IRAK1BP1: variants seen among roughly 807,000 people sequenced by gnomAD.
IRAK1BP1 encodes the protein interleukin-1 receptor-associated kinase 1-binding protein 1.
Under a neutral mutation model 28.0 loss-of-function variants are expected in IRAK1BP1, and 24 were observed. That is an observed-to-expected ratio of 0.86 (90% CI 0.62 to 1.20). The LOEUF is 1.20. IRAK1BP1 is among the 50% of genes most tolerant of loss of function. The pLI is 0.00. For synonymous variants in IRAK1BP1, 131 were observed against 116.3 expected (o/e 1.13, Z -0.81); for missense variants, 336 against 316.7 (o/e 1.06, Z -0.46).
At chr6:78,970,200 C>A in the IRAK1BP1 span, 9 of 1,595,188 alleles carry the variant, frequency 5.6e-6, no homozygotes, top group African/African-American at 5.4e-5. Flanking sequence ...ATATAAGGAA[C>A]CATCTTTACA....
At chr6:78,923,864 A>G (rs1470878171) in intron 4 of IRAK1BP1, among the ~76,000 whole-genome samples, 1 of 152,216 alleles carries the variant, frequency 6.6e-6, no homozygotes, top group East Asian at 1.9e-4. Context: ...TGTTCTTTGA[A>G]ACCAACGAGA....
chr6:78,954,714 A>G, the IRAK1BP1 span: 1 of 735,176 alleles, frequency 1.4e-6, no homozygotes, highest in Admixed American at 3.5e-5. Flanking sequence ...ATAATAAAGA[A>G]ATAAACTATA....
chr6:78,970,580 A>G, the IRAK1BP1 span, among the ~76,000 whole-genome samples: 1 of 152,284 alleles, frequency 6.6e-6, no homozygotes, highest in Non-Finnish European at 1.5e-5. Context: ...CATAAACTGC[A>G]TTGGAGTATA....
At chr6:78,873,597 G>A (rs953681366) in intron 1 of IRAK1BP1, among the ~76,000 whole-genome samples, 1 of 151,812 alleles carries the variant, frequency 6.6e-6, no homozygotes, top group Admixed American at 6.6e-5. Context: ...TCCCACCTCA[G>A]CCTCCCAAAT....
intron 2 of IRAK1BP1, among the ~76,000 whole-genome samples, chr6:78,896,717 C>T (rs1286478852): frequency 4.6e-5 from 7 of 151,090 alleles, no homozygotes; most frequent in Non-Finnish European, 7.4e-5. Flanking sequence ...CCCAGCTACT[C>T]GGGGGGCTGA....
At chr6:78,946,692 T>TG, downstream of IRAK1BP1, 2 of 1,533,638 alleles carry the variant, frequency 1.3e-6, no homozygotes, top group Non-Finnish European at 1.7e-6. Context: ...GCTAGTGGTA[T>TG]TTAAAAGAAA....
At chr6:78,906,715 T>G (rs553077367), downstream of IRAK1BP1, among the ~76,000 whole-genome samples, 17 of 152,078 alleles carry the variant, frequency 1.1e-4, no homozygotes, top group Admixed American at 6.6e-5. Flanking sequence ...TGGATTAGGG[T>G]TTTTTTTCCC....
chr6:78,919,409 C>T (rs1772658152), intron 4 of IRAK1BP1, among the ~76,000 whole-genome samples: 1 of 152,038 alleles, frequency 6.6e-6, no homozygotes, highest in Non-Finnish European at 1.5e-5. Context: ...CCAAAGCTGG[C>T]TCTTTGAAAG....
At chr6:78,888,776 A>G (rs1194936429) in intron 2 of IRAK1BP1, among the ~76,000 whole-genome samples, 2 of 152,036 alleles carry the variant, frequency 1.3e-5, no homozygotes, top group Non-Finnish European at 2.9e-5. Context: ...CCAACGTGCT[A>G]GGACTACAGA....
intron 1 of IRAK1BP1, among the ~76,000 whole-genome samples, chr6:78,879,361 TA>T (rs553680725): frequency 6.6e-6 from 1 of 152,084 alleles, no homozygotes; most frequent in East Asian, 1.9e-4. Flanking sequence ...ATAAAAATTT[TA>T]AAAAAATAAA....
the IRAK1BP1 span, among the ~76,000 whole-genome samples, chr6:78,966,296 G>A: frequency 1.3e-5 from 2 of 152,052 alleles, no homozygotes; most frequent in African/African-American, 2.4e-5. Flanking sequence ...ATTTCATTAA[G>A]GTATACAGAA....
intron 2 of IRAK1BP1, among the ~76,000 whole-genome samples, chr6:78,896,281 A>G (rs1771876972): frequency 6.6e-6 from 1 of 152,046 alleles, no homozygotes; most frequent in South Asian, 2.1e-4. Context: ...CTACTTTGAA[A>G]AAGCAGCATC....
downstream of IRAK1BP1, chr6:78,946,830 G>A (rs763453304): frequency 1.3e-6 from 2 of 1,584,940 alleles, no homozygotes; most frequent in South Asian, 2.3e-5. Context: ...CTGAACTAAT[G>A]TGTTCTTCAA....
chr6:78,877,242 C>A (rs1173579869), intron 1 of IRAK1BP1, among the ~76,000 whole-genome samples: 1 of 152,166 alleles, frequency 6.6e-6, no homozygotes, highest in Non-Finnish European at 1.5e-5. Context: ...CTTGTGGTTG[C>A]AGGTCTGTTA....
chr6:78,883,118 C>T (rs1007978574), intron 1 of IRAK1BP1, among the ~76,000 whole-genome samples: 1 of 151,896 alleles, frequency 6.6e-6, no homozygotes, highest in Non-Finnish European at 1.5e-5. Context: ...AAAATCTGGG[C>T]ATGGTGGTAT....
At chr6:78,932,084 C>A (rs1195641807) in intron 4 of IRAK1BP1, among the ~76,000 whole-genome samples, 5 of 152,198 alleles carry the variant, frequency 3.3e-5, no homozygotes, top group African/African-American at 1.2e-4. Flanking sequence ...CCATAAGAAG[C>A]AACTCCTTAG....
the IRAK1BP1 span, chr6:78,956,449 T>A: frequency 2.0e-5 from 3 of 152,252 alleles, no homozygotes; most frequent in Admixed American, 2.0e-4. Context: ...TCTCTGTCAA[T>A]TAAATTAGAC....
the IRAK1BP1 span, chr6:78,955,227 A>G: frequency 1.3e-6 from 2 of 1,597,162 alleles, no homozygotes; most frequent in South Asian, 2.2e-5. Flanking sequence ...CTAAAACTAT[A>G]TTACCTTCCT....
intron 4 of IRAK1BP1, among the ~76,000 whole-genome samples, chr6:78,944,198 G>C (rs1773676439): frequency 6.6e-6 from 1 of 152,034 alleles, no homozygotes; most frequent in Admixed American, 6.6e-5. Flanking sequence ...ATACAAAAGA[G>C]AGAAAGAAGG....
Sources: allele counts gnomAD v4.1 joint callset (sites outside exome capture counted in the v4.1 genomes callset), GRCh38; gene constraint gnomAD v4.1.1; transcripts MANE v1.5; gene names NCBI Gene and HGNC (gene_info 2026-07-23, HGNC 2026-07-21).